The following EMILIN3 variants were observed in gnomAD, a reference collection of about 807,000 sequenced individuals.
EMILIN3 encodes EMILIN-3.
In EMILIN3, 38 loss-of-function variants were observed where a neutral mutation model predicts 42.8. The observed-to-expected ratio is 0.89, with a 90% CI of 0.69 to 1.16. EMILIN3 has a LOEUF of 1.16. Ranked by LOEUF, EMILIN3 falls within the 50% of genes most tolerant of loss-of-function variation. EMILIN3 has a pLI of 0.00. For missense variants in EMILIN3, 924 were observed against 999.5 expected, an observed-to-expected ratio of 0.92 and a Z score of 1.02; for synonymous variants, 430 against 440.5, an observed-to-expected ratio of 0.98 and a Z score of 0.30.
At position 41,362,424 on chromosome 20, in the gene EMILIN3, C is replaced by G. The variant is rs1205207863; in HGVS notation, c.1145G>C (p.Gly382Ala). Residue 382 changes from glycine to alanine, a missense_variant, in exon 4 of 4, where the codon GGC becomes GCC. Physicochemically the swap from Gly to Ala is moderately conservative, Grantham distance 60. Transcript: ENST00000332312. ...CAAGGCTAGTTGCCCACAGCAGCTG[C>G]CCCTGCCAGACACGCTCAGGCCCTG... Reference protein sequence around the residue: ...QLQGLSVSGRGSCCGQLALIN... With the variant: ...QLQGLSVSGRASCCGQLALIN... The G allele has an allele frequency of 6.2e-7, 1 of 1,601,266 alleles. No individual in the cohort carries two copies. The highest frequency in any genetic ancestry group is 2.2e-5 in the East Asian group (1 of 44,858).
At position 41,361,675 on chromosome 20, in the gene EMILIN3, C is replaced by T. The variant is rs140396405; in HGVS notation, c.1894G>A (p.Ala632Thr). Residue 632 changes from alanine (A) to threonine (T), a missense_variant, in exon 4 of 4, where the codon GCC (alanine) becomes ACC (threonine). Transcript: ENST00000332312. ...TGGCTGCTGACCTGCTCCTGGATGGCCTGGACTTCGGCTTCCACCTTGCGT... is the reference window on the plus strand; with the variant it reads ...TGGCTGCTGACCTGCTCCTGGATGGTCTGGACTTCGGCTTCCACCTTGCGT... ...RERKVEAEVQAIQEQVSSQGS... is the reference protein window; with the variant it reads ...RERKVEAEVQTIQEQVSSQGS... The T allele has an allele frequency of 9.6e-5, 155 of 1,606,428 alleles. No individual in the cohort carries two copies. The highest frequency in any genetic ancestry group is 4.0e-4 in the Admixed American group (24 of 59,876).
At position 41,366,564 on chromosome 20, in the gene EMILIN3, C is replaced by T. The variant is rs962329621; in HGVS notation, c.71G>A (p.Gly24Asp). 7.9e-6 allele frequency: 9 copies of T among 1,133,128 alleles called. No individual in the cohort carries two copies. The African/African-American group carries it at 1.3e-4, about 17-fold the overall frequency. The allele number at this position is 1,133,128 out of a possible 1,614,324, so 70.2% of individuals were successfully genotyped here. Reference protein sequence around the residue: ...AALLSGAQARGTPLLARPAPP... With the variant: ...AALLSGAQARDTPLLARPAPP... Reference sequence around the variant, plus strand: ...CGCAGGCCGCGCCAGGAGCGGGGTGCCCCTGGCCTGCGCCCCCGAGAGCAG... The same window carrying T: ...CGCAGGCCGCGCCAGGAGCGGGGTGTCCCTGGCCTGCGCCCCCGAGAGCAG... Residue 24 changes from glycine (G) to aspartate (D), a missense_variant, in exon 1 of 4, where the codon GGC becomes GAC. Coordinates refer to ENST00000332312, the MANE Select transcript of EMILIN3 (RefSeq NM_052846.2). This position sits in a 1 kb window ranked among gnomAD's most constrained non-coding sequence, Gnocchi z 4.2.
intron 1 of EMILIN3, among the ~76,000 whole-genome samples, 195 bp from the exon 2 acceptor site, chr20:41,365,352 C>T (rs967347895): frequency 2.0e-5 from 3 of 152,164 alleles, no homozygotes. Flanking sequence ...TTCCAGCCTC[C>T]GTGATGGGTG....
In EMILIN3 at chr20:41,360,645, T is replaced by C. The variant is rs2046348984; in HGVS notation, c.*623A>G. 6.5e-6 allele frequency: 1 copy of C among 153,134 alleles called. No homozygotes were observed. The allele number at this position is 153,134 out of a possible 1,614,324, so 9.5% of individuals were successfully genotyped here. On this transcript the variant is annotated 3_prime_UTR_variant, in exon 4 of 4. Coordinates refer to ENST00000332312, the MANE Select transcript of EMILIN3 (RefSeq NM_052846.2). ...GGAGCCAGAAACATCTGGCAGCCTC[T>C]GGTCCTTAGTTCAGATACAACATCC... is the stretch of plus-strand genomic sequence containing the variant.
chr20:41,365,327 G>A (rs537724216), intron 1 of EMILIN3, among the ~76,000 whole-genome samples, 170 bp from the exon 2 acceptor site: 3 of 152,308 alleles, frequency 2.0e-5, no homozygotes, highest in East Asian at 1.9e-4. Flanking sequence ...GTCCAGCCCC[G>A]CTGCTGGTCT....
At chr20:41,365,197 C>G in intron 1 of EMILIN3, 40 bp from the exon 2 acceptor site, 1 of 1,608,436 alleles carries the variant, frequency 6.2e-7, no homozygotes, top group Non-Finnish European at 8.5e-7. Flanking sequence ...TCTGGCTGAG[C>G]GAGGCCCACA....
chr20:41,364,964 G>A, intron 2 of EMILIN3, 71 bp downstream of exon 2: 1 of 1,598,220 alleles, frequency 6.3e-7, no homozygotes, highest in African/African-American at 1.3e-5. Flanking sequence ...GTTGGCAGCT[G>A]CTCTCAGCTG....
chr20:41,361,834 AG>A lies in EMILIN3; in HGVS notation c.1734del (p.Ser579HisfsTer13). ...VQGQLAEGTG[S>X]SLQGEITLLK... ...AGCAGAGTGATCTCGCCTTGAAGTG[AG>A]CTGCCCGTCCCTTCTGCCAGCTGTC... On this transcript the variant is annotated frameshift_variant, in exon 4 of 4. Transcript: ENST00000332312. LOFTEE classifies it high-confidence loss of function. The A allele has an allele frequency of 6.2e-7, 1 of 1,613,530 alleles. No individual in the cohort carries two copies. The highest frequency in any genetic ancestry group is 1.1e-5 in the South Asian group (1 of 91,088).
Position 41,361,288 on chromosome 20 carries a change from G to T in EMILIN3, c.2281C>A (p.Arg761=), listed in dbSNP as rs369162593. ...CCTGTCTAGTTGGCTTGCCCTGGCC[G>T]CACCTGCTCAGCCAGCTGGGCCTGG... is the stretch of plus-strand genomic sequence containing the variant. The part of the protein sequence containing the change: ...DCQAQLAEQV[R]PGQAN The change falls in exon 4 of 4, where the codon CGG becomes AGG. Residue 761 remains arginine (R), a synonymous_variant. Coordinates refer to ENST00000332312, the MANE Select transcript of EMILIN3 (RefSeq NM_052846.2). 11 of 1,593,170 alleles carry T rather than the reference G, an allele frequency of 6.9e-6. No individual in the cohort carries two copies. Among genetic ancestry groups the T allele is most frequent in the Admixed American group, 3.4e-5 (2 of 59,298 alleles).
chr20:41,365,583 G>A (rs2046389696), intron 1 of EMILIN3, among the ~76,000 whole-genome samples: 1 of 152,090 alleles, frequency 6.6e-6, no homozygotes, highest in African/African-American at 2.4e-5. Context: ...CCTGGCTCCC[G>A]GGGAAATCCA....
At position 41,361,858 on chromosome 20, in the gene EMILIN3, G is replaced by A; in HGVS notation, c.1711C>T (p.Gln571Ter). ...LNGTVAEVQGQLAEGTGSSLQ... is the reference protein window; with the variant it reads ...LNGTVAEVQG The stretch of plus-strand genomic sequence containing the variant: ...GAGCTGCCCGTCCCTTCTGCCAGCT[G>A]TCCCTGGACCTCGGCCACAGTGCCA... The change falls in exon 4 of 4, where the codon CAG (glutamine) becomes TAG (stop). Residue 571 changes from glutamine (Q) to a stop codon, truncating the protein, a stop_gained. Coordinates refer to ENST00000332312, the MANE Select transcript of EMILIN3 (RefSeq NM_052846.2). LOFTEE classifies it high-confidence loss of function. 6.2e-7 allele frequency: 1 copy of A among 1,613,586 alleles called. No homozygotes were observed. Among genetic ancestry groups the A allele is most frequent in the Non-Finnish European group, 8.5e-7 (1 of 1,180,046 alleles).
At position 41,363,667 on chromosome 20, in the gene EMILIN3, G is replaced by T. The variant is rs1184986387; in HGVS notation, c.485C>A (p.Ser162Tyr). 1 of 1,613,062 alleles carries T rather than the reference G, an allele frequency of 6.2e-7. No homozygotes were observed. Among genetic ancestry groups the T allele is most frequent in the African/African-American group, 1.3e-5 (1 of 74,938 alleles). Residue 162 changes from serine (S) to tyrosine (Y), a missense_variant, in exon 3 of 4, where the codon TCC becomes TAC. Coordinates refer to ENST00000332312, the MANE Select transcript of EMILIN3 (RefSeq NM_052846.2). Reference sequence around the variant, plus strand: ...AGGGCTGGGGGCTGCTCTGCTGTAGGAAGGGGGCCTGGGGCCTGGGTCCAG... The same window carrying T: ...AGGGCTGGGGGCTGCTCTGCTGTAGTAAGGGGGCCTGGGGCCTGGGTCCAG... ...GQLDPGPRPPSYSRAAPSPHG... is the reference protein window; with the variant it reads ...GQLDPGPRPPYYSRAAPSPHG...
chr20:41,362,593 C>T lies in EMILIN3; in HGVS notation c.976G>A (p.Val326Ile), dbSNP rs1053055203. 2.5e-6 allele frequency: 4 copies of T among 1,601,492 alleles called. No homozygotes were observed. Among genetic ancestry groups the T allele is most frequent in the Non-Finnish European group, 3.4e-6 (4 of 1,179,320 alleles). ...ACCCGCAGGTCACACTCACTCTGGACGCCTTGCAGCTTCTGCTCAAAGCCA... is the reference window on the plus strand; with the variant it reads ...ACCCGCAGGTCACACTCACTCTGGATGCCTTGCAGCTTCTGCTCAAAGCCA... Reference protein sequence around the residue: ...LDGFEQKLQGVQSECDLRVQE... With the variant: ...LDGFEQKLQGIQSECDLRVQE... The change falls in exon 4 of 4, where the codon GTC (valine) becomes ATC (isoleucine). Residue 326 changes from valine to isoleucine, a missense_variant. By Grantham distance (29) the Val-to-Ile change is conservative. Transcript: ENST00000332312.
At position 41,361,981 on chromosome 20, in the gene EMILIN3, G is replaced by C. The variant is rs1483150928; in HGVS notation, c.1588C>G (p.Leu530Val). 6.2e-7 allele frequency: 1 copy of C among 1,611,984 alleles called. No homozygotes were observed. Among genetic ancestry groups the C allele is most frequent in the Admixed American group, 1.7e-5 (1 of 59,998 alleles). The change falls in exon 4 of 4, where the codon CTG (leucine) becomes GTG (valine). Residue 530 changes from leucine (L) to valine (V), a missense_variant. Physicochemically the swap from Leu to Val is conservative, Grantham distance 32. Transcript: ENST00000332312. ...SCTPSTTSAI[L>V]DSLVAEVKAW... is the part of the protein sequence containing the mutation. ...TTCACCTCTGCCACGAGGCTGTCCA[G>C]GATGGCTGAGGTGGTGCTCGGGGTG... is the stretch of plus-strand genomic sequence containing the variant.
chr20:41,363,942 T>C, intron 2 of EMILIN3, 81 bp from the exon 3 acceptor site: 1 of 1,371,676 alleles, frequency 7.3e-7, no homozygotes, highest in Non-Finnish European at 1.0e-6. Context: ...AGGGCCGCCC[T>C]CAGACACTTG....
Position 41,362,634 on chromosome 20 carries a change from C to A in EMILIN3, c.935G>T (p.Trp312Leu). The A allele has an allele frequency of 6.2e-7, 1 of 1,606,850 alleles. No individual in the cohort carries two copies. Reference protein sequence around the residue: ...EYVDRRLHRLWGSLLDGFEQK... With the variant: ...EYVDRRLHRLLGSLLDGFEQK... Reference sequence around the variant, plus strand: ...CTCAAAGCCATCCAGCAGGCTCCCCCAGAGTCGGTGCAGCCGTCGGTCCAC... The same window carrying A: ...CTCAAAGCCATCCAGCAGGCTCCCCAAGAGTCGGTGCAGCCGTCGGTCCAC... The change falls in exon 4 of 4, where the codon TGG becomes TTG. Residue 312 changes from tryptophan (W) to leucine (L), a missense_variant. Trp to Leu is a moderately conservative substitution (Grantham distance 61). Transcript: ENST00000332312.
chr20:41,362,775 T>C lies in EMILIN3; in HGVS notation c.794A>G (p.Lys265Arg). 1.9e-6 allele frequency: 3 copies of C among 1,614,216 alleles called. No homozygotes were observed. The highest frequency in any genetic ancestry group is 2.5e-6 in the Non-Finnish European group (3 of 1,180,036). Residue 265 changes from lysine to arginine, a missense_variant, in exon 4 of 4, where the codon AAG becomes AGG. Physicochemically the swap from Lys to Arg is conservative, Grantham distance 26. Coordinates refer to ENST00000332312, the MANE Select transcript of EMILIN3 (RefSeq NM_052846.2). ...ATGCACCTTGTCTAGAAGCTGCACCTTGGTCTGAAGAGTGTTGCTCACCTC... is the reference window on the plus strand; with the variant it reads ...ATGCACCTTGTCTAGAAGCTGCACCCTGGTCTGAAGAGTGTTGCTCACCTC... ...VTEVSNTLQT[K>R]VQLLDKVHGL...
At chr20:41,364,890 C>G in intron 2 of EMILIN3, 145 bp downstream of exon 2, 8 of 1,261,092 alleles carry the variant, frequency 6.3e-6, no homozygotes, top group Non-Finnish European at 8.7e-6. Flanking sequence ...CTGGGGCCGC[C>G]TTCTACTCTG....
chr20:41,361,623 C>T lies in EMILIN3; in HGVS notation c.1946G>A (p.Arg649Lys). 2 of 1,609,324 alleles carry T rather than the reference C, an allele frequency of 1.2e-6. No individual in the cohort carries two copies. The part of the protein sequence containing the change: ...SQGSRLQAGH[R>K]QVLNLRGELE... ...CTCCCCACGCAGGTTCAGGACCTGCCTGTGGCCAGCCTGAAGCCTGGAGCC... is the reference window on the plus strand; with the variant it reads ...CTCCCCACGCAGGTTCAGGACCTGCTTGTGGCCAGCCTGAAGCCTGGAGCC... Residue 649 changes from arginine to lysine, a missense_variant, in exon 4 of 4, where the codon AGG (arginine) becomes AAG (lysine). By Grantham distance (26) the Arg-to-Lys change is conservative. Coordinates refer to ENST00000332312, the MANE Select transcript of EMILIN3 (RefSeq NM_052846.2).
Sources: allele counts gnomAD v4.1 joint callset (sites outside exome capture counted in the v4.1 genomes callset), GRCh38; gene constraint gnomAD v4.1.1; non-coding constraint Gnocchi (gnomAD v3.1); transcripts MANE v1.5; gene names NCBI Gene and HGNC (gene_info 2026-07-23, HGNC 2026-07-21).